Variants in ZKSCAN1 observed in about 807,000 individuals in gnomAD.
ZKSCAN1 encodes zinc finger with KRAB and SCAN domains 1.
A neutral mutation model predicts 51.6 loss-of-function variants in ZKSCAN1; 14 were observed. The ratio of observed to expected loss-of-function variants is 0.27; its 90% CI spans 0.18 to 0.42. The LOEUF (loss-of-function observed/expected upper bound fraction) is 0.42, where lower values mean the gene tolerates loss of function less well. Among genes scored for constraint, ZKSCAN1 ranks in the 10% least tolerant of loss-of-function variants. ZKSCAN1 has a pLI of 1.00. For missense variants in ZKSCAN1, 531 were observed against 710.0 expected (o/e 0.75, Z 2.86); for synonymous variants, 263 against 261.5 (o/e 1.01, Z -0.06).
At chr7:100,022,097 C>T (rs1045720405) in intron 1 of ZKSCAN1, among the ~76,000 whole-genome samples, 1 of 152,200 alleles carries the variant, frequency 6.6e-6, no homozygotes, top group Non-Finnish European at 1.5e-5. Context: ...GCTCTGTGGC[C>T]AGGATGGAGT....
In ZKSCAN1 at chr7:100,037,091, A is replaced by T. The variant is rs921340715; in HGVS notation, c.*2894A>T. On this transcript the variant is annotated 3_prime_UTR_variant, in exon 6 of 6. Transcript: ENST00000324306. ...ACAACTGTTTATTAAAACCACTTGC[A>T]GTGCATTCGTTTATCAGATGCTCAG... is the stretch of plus-strand genomic sequence containing the variant. 2.0e-6 allele frequency: 2 copies of T among 985,324 alleles called. No individual in the cohort carries two copies. Among genetic ancestry groups the T allele is most frequent in the African/African-American group, 3.5e-5 (2 of 57,244 alleles). 61.0% of individuals were successfully genotyped at this position (985,324 alleles called of 1,614,324 possible). A position where few individuals can be genotyped will look rare whatever the true frequency, so the allele number is the denominator to read the frequency against.
At chr7:100,041,771 A>T, downstream of ZKSCAN1, 1 of 979,590 alleles carries the variant, frequency 1.0e-6, no homozygotes, top group Non-Finnish European at 1.2e-6. Flanking sequence ...AAGAAAAAAA[A>T]GTATTCCAAA....
At chr7:100,030,424 G>A (rs1283703654) in intron 5 of ZKSCAN1, 49 bp downstream of exon 5, 2 of 1,580,292 alleles carry the variant, frequency 1.3e-6, no homozygotes, top group Non-Finnish European at 1.7e-6. Flanking sequence ...TTGTCTCTCT[G>A]TGTGTTAGCT....
chr7:100,031,463 A>G (rs772078074), intron 5 of ZKSCAN1, among the ~76,000 whole-genome samples: 9 of 151,898 alleles, frequency 5.9e-5, no homozygotes, highest in Non-Finnish European at 1.2e-4. Context: ...TGTTCTGTAG[A>G]GAAGAGGTTT....
chr7:100,032,525 A>T (rs1467304220), intron 5 of ZKSCAN1, among the ~76,000 whole-genome samples: 1 of 152,206 alleles, frequency 6.6e-6, no homozygotes, highest in Non-Finnish European at 1.5e-5. Flanking sequence ...CTGTTGTCCC[A>T]GTTTTTCCCC....
At chr7:100,029,737 G>C in intron 3 of ZKSCAN1, 124 bp from the exon 4 acceptor site, 1 of 848,638 alleles carries the variant, frequency 1.2e-6, no homozygotes, top group Non-Finnish European at 1.8e-6. Flanking sequence ...CTGGAATTCT[G>C]TATTTGGGAC....
chr7:100,039,955 A>T lies in ZKSCAN1; in HGVS notation c.*5758A>T. 17 of 969,740 alleles carry T rather than the reference A, an allele frequency of 1.8e-5. No homozygotes were observed. The highest frequency in any genetic ancestry group is 2.1e-5 in the Non-Finnish European group (17 of 815,758). 60.1% of individuals were successfully genotyped at this position (969,740 alleles called of 1,614,324 possible). On this transcript the variant is annotated 3_prime_UTR_variant, in exon 6 of 6. Coordinates refer to ENST00000324306, the MANE Select transcript of ZKSCAN1 (RefSeq NM_003439.4). ...ACTGGAGAATTTAATAAAAGGCATTATTTGAAAAGTTTTTCTAACATAGAT... is the reference window on the plus strand; with the variant it reads ...ACTGGAGAATTTAATAAAAGGCATTTTTTGAAAAGTTTTTCTAACATAGAT...
At chr7:100,016,303 G>C (rs576956156) in intron 1 of ZKSCAN1, among the ~76,000 whole-genome samples, 556 of 152,244 alleles carry the variant, frequency 3.7e-3, no homozygotes, top group Non-Finnish European at 6.0e-3. Context: ...ATAAATAGGT[G>C]ATTGGGATCT....
In ZKSCAN1 at chr7:100,023,476, T is replaced by C; in HGVS notation, c.-31T>C. Reference sequence around the variant, plus strand: ...AGGACATAAAGGTGAGCACAGACCCTGTTTGGATCAAGTCAGTTCCTGGAG... The same window carrying C: ...AGGACATAAAGGTGAGCACAGACCCCGTTTGGATCAAGTCAGTTCCTGGAG... On this transcript the variant is annotated 5_prime_UTR_variant, in exon 2 of 6. Coordinates refer to ENST00000324306, the MANE Select transcript of ZKSCAN1 (RefSeq NM_003439.4). 3 of 1,586,972 alleles carry C rather than the reference T, an allele frequency of 1.9e-6. No homozygotes were observed. Among genetic ancestry groups the C allele is most frequent in the African/African-American group, 1.3e-5 (1 of 74,090 alleles).
chr7:100,016,655 C>T (rs1430484134), intron 1 of ZKSCAN1, among the ~76,000 whole-genome samples: 1 of 152,204 alleles, frequency 6.6e-6, no homozygotes, highest in African/African-American at 2.4e-5. Context: ...TCCTCCATCC[C>T]TCCCCTCCCT....
chr7:100,024,427 C>G lies in ZKSCAN1; in HGVS notation c.580+120C>G, dbSNP rs1790728962. 4 of 1,303,776 alleles carry G rather than the reference C, an allele frequency of 3.1e-6. No individual in the cohort carries two copies. In the South Asian group the frequency reaches 4.5e-5, roughly 15 times the overall value. 80.8% of individuals were successfully genotyped at this position (1,303,776 alleles called of 1,614,324 possible). On this transcript the variant is annotated intron_variant, in intron 3 of 5. Coordinates refer to ENST00000324306, the MANE Select transcript of ZKSCAN1 (RefSeq NM_003439.4). The stretch of plus-strand genomic sequence containing the variant: ...TGGGCAACGTAGCGAGACCCCATCT[C>G]TACAAAAAATAGAAAAATTAGCCAG...
Position 100,038,512 on chromosome 7 carries a change from G to T in ZKSCAN1, c.*4315G>T. ...TTGAATTTTTCCTCAAAACCAAGAAGTTGACCTCTGAGCTGTCAGGTGACC... is the reference window on the plus strand; with the variant it reads ...TTGAATTTTTCCTCAAAACCAAGAATTTGACCTCTGAGCTGTCAGGTGACC... On this transcript the variant is annotated 3_prime_UTR_variant, in exon 6 of 6. Transcript: ENST00000324306. 1.0e-6 allele frequency: 1 copy of T among 985,438 alleles called. No individual in the cohort carries two copies. The highest frequency in any genetic ancestry group is 1.2e-6 in the Non-Finnish European group (1 of 829,936). The allele number at this position is 985,438 out of a possible 1,614,324, so 61.0% of individuals were successfully genotyped here.
In ZKSCAN1 at chr7:100,034,338, C is replaced by A. The variant is rs1016483768; in HGVS notation, c.*141C>A. 1.4e-6 allele frequency: 2 copies of A among 1,436,832 alleles called. No individual in the cohort carries two copies. The highest frequency in any genetic ancestry group is 2.4e-5 in the East Asian group (1 of 41,242). The allele number at this position is 1,436,832 out of a possible 1,614,324, so 89.0% of individuals were successfully genotyped here. A position where few individuals can be genotyped will look rare whatever the true frequency, so the allele number is the denominator to read the frequency against. Reference sequence around the variant, plus strand: ...CACTTAAGGATCCTTCTAGTCACATCAGCAGTGTTCTGCCTTTATGTAGTA... The same window carrying A: ...CACTTAAGGATCCTTCTAGTCACATAAGCAGTGTTCTGCCTTTATGTAGTA... On this transcript the variant is annotated 3_prime_UTR_variant, in exon 6 of 6. Coordinates refer to ENST00000324306, the MANE Select transcript of ZKSCAN1 (RefSeq NM_003439.4).
At position 100,016,307 on chromosome 7, in the gene ZKSCAN1, G is replaced by A. The variant is rs144962667; in HGVS notation, c.-89+581G>A. Among the ~76,000 whole-genome samples, 559 of 152,230 alleles carry A rather than the reference G, an allele frequency of 3.7e-3. 3 individuals carry two copies. The highest frequency in any genetic ancestry group is 0.013 in the African/African-American group (544 of 41,550). On this transcript the variant is annotated intron_variant, in intron 1 of 5. Coordinates refer to ENST00000324306, the MANE Select transcript of ZKSCAN1 (RefSeq NM_003439.4). ...AGTCATAGTGGATAAATAGGTGATT[G>A]GGATCTAGTAGAGATTATATACACC...
At position 100,033,593 on chromosome 7, in the gene ZKSCAN1, A is replaced by G; in HGVS notation, c.1088A>G (p.Asn363Ser). 1 of 1,614,194 alleles carries G rather than the reference A, an allele frequency of 6.2e-7. No individual in the cohort carries two copies. The highest frequency in any genetic ancestry group is 8.5e-7 in the Non-Finnish European group (1 of 1,180,026). Reference sequence around the variant, plus strand: ...GGAAGAAGCTTCAGTCTGAGCTCCAACTTCACCACCCCTGAAGAAGTTCCC... The same window carrying G: ...GGAAGAAGCTTCAGTCTGAGCTCCAGCTTCACCACCCCTGAAGAAGTTCCC... The part of the protein sequence containing the change: ...GLGRSFSLSS[N>S]FTTPEEVPTG... Residue 363 changes from asparagine (N) to serine (S), a missense_variant, in exon 6 of 6, where the codon AAC (asparagine) becomes AGC (serine). Coordinates refer to ENST00000324306, the MANE Select transcript of ZKSCAN1 (RefSeq NM_003439.4). The surrounding 1 kb of genome is among the most constrained non-coding windows in gnomAD (Gnocchi z 4.1).
chr7:100,045,092 C>T, downstream of ZKSCAN1: 1 of 583,850 alleles, frequency 1.7e-6, no homozygotes. Flanking sequence ...CTGCAAAGGG[C>T]ACTGGAATTA....
Position 100,035,760 on chromosome 7 carries a change from G to C in ZKSCAN1, c.*1563G>C, listed in dbSNP as rs1791331514. ...TTCTTATCACTAAAGACTGAGGTGA[G>C]GTTATGAAACTTTCATTGGTCCCAT... On this transcript the variant is annotated 3_prime_UTR_variant, in exon 6 of 6. Transcript: ENST00000324306. 1.2e-6 allele frequency: 1 copy of C among 818,884 alleles called. No individual in the cohort carries two copies. 50.7% of individuals were successfully genotyped at this position (818,884 alleles called of 1,614,324 possible). A position where few individuals can be genotyped will look rare whatever the true frequency, so the allele number is the denominator to read the frequency against.
Position 100,023,701 on chromosome 7 carries a change from G to A in ZKSCAN1, c.195G>A (p.Gln65=), listed in dbSNP as rs753063680. ...FRQRFRRFCY[Q]NTFGPREALS... ...AACGCTTCAGGCGCTTCTGTTACCA[G>A]AACACTTTTGGGCCCCGAGAGGCTC... The change falls in exon 2 of 6, where the codon CAG becomes CAA. Residue 65 remains glutamine, a synonymous_variant. Transcript: ENST00000324306. 3.1e-6 allele frequency: 5 copies of A among 1,614,092 alleles called. No individual in the cohort carries two copies. The East Asian group carries it at 8.9e-5, about 29-fold the overall frequency.
downstream of ZKSCAN1, chr7:100,041,753 T>A (rs914244543): frequency 1.0e-6 from 1 of 985,012 alleles, no homozygotes; most frequent in African/African-American, 1.7e-5. Flanking sequence ...AAATACACAT[T>A]GGGGGTGAAG....
Sources: gnomAD v4.1 joint callset for allele counts (sites outside exome capture counted in the v4.1 genomes callset) on GRCh38, gnomAD v4.1.1 for gene constraint, Gnocchi (gnomAD v3.1) non-coding constraint, MANE v1.5 for transcripts, NCBI Gene and HGNC (gene_info 2026-07-23, HGNC 2026-07-21) for gene names.